SYN3: variants seen among roughly 807,000 people sequenced by gnomAD.
SYN3 encodes the protein synapsin III.
In SYN3, 35 loss-of-function variants were observed where a neutral mutation model predicts 65.8. The ratio of observed to expected loss-of-function variants is 0.53; its 90% CI spans 0.41 to 0.70. The LOEUF (loss-of-function observed/expected upper bound fraction) is 0.70. SYN3 is among the 30% of genes least tolerant of loss of function. The pLI, the probability that SYN3 is intolerant of heterozygous loss-of-function variation, is 0.00. For synonymous variants in SYN3, 270 were observed against 292.9 expected, an observed-to-expected ratio of 0.92 and a Z score of 0.80; for missense variants, 680 against 749.0, an observed-to-expected ratio of 0.91 and a Z score of 1.08.
At chr22:32,542,626 G>T (rs2058275533) in intron 7 of SYN3, among the ~76,000 whole-genome samples, 1 of 131,704 alleles carries the variant, frequency 7.6e-6, no homozygotes, top group Admixed American at 7.7e-5. Flanking sequence ...TTCTGTTTGT[G>T]TGTATGTGTG....
At chr22:32,952,694 G>A (rs147766590) in intron 3 of SYN3, among the ~76,000 whole-genome samples, 1 of 152,272 alleles carries the variant, frequency 6.6e-6, no homozygotes, top group East Asian at 1.9e-4. Context: ...GTTCAAGGCT[G>A]CAGTGAGCTA....
intron 1 of SYN3, among the ~76,000 whole-genome samples, chr22:33,045,467 T>C (rs1443242969): frequency 7.4e-6 from 1 of 134,688 alleles, no homozygotes; most frequent in African/African-American, 2.8e-5. Flanking sequence ...TTCTTTTTTT[T>C]TTTTTTTTTT....
intron 6 of SYN3, among the ~76,000 whole-genome samples, chr22:32,633,751 G>A (rs2059778528): frequency 6.6e-6 from 1 of 152,038 alleles, no homozygotes; most frequent in African/African-American, 2.4e-5. Context: ...GCCTCCCAAA[G>A]TAGCTGGGAC....
At chr22:32,726,257 C>G (rs575851111) in intron 6 of SYN3, among the ~76,000 whole-genome samples, 1 of 152,210 alleles carries the variant, frequency 6.6e-6, no homozygotes, top group Non-Finnish European at 1.5e-5. Context: ...ATTCTCTTGC[C>G]TCAGCTTCCC....
chr22:32,815,191 A>G (rs8138910), intron 6 of SYN3, among the ~76,000 whole-genome samples: 1,590 of 152,300 alleles, frequency 0.01, 21 homozygotes, highest in African/African-American at 0.034. Context: ...GCACAGGGAT[A>G]TGGGGCTGTT....
intron 3 of SYN3, among the ~76,000 whole-genome samples, chr22:32,972,211 A>C (rs2052042125): frequency 6.6e-6 from 1 of 152,226 alleles, no homozygotes. Flanking sequence ...TCGATTAATA[A>C]ATGTTTGAAA....
At chr22:32,976,035 A>G (rs1269204975) in intron 3 of SYN3, among the ~76,000 whole-genome samples, 1 of 152,220 alleles carries the variant, frequency 6.6e-6, no homozygotes, top group African/African-American at 2.4e-5. Flanking sequence ...GCATGTGAGA[A>G]AATATAAATA....
At chr22:32,781,858 C>T (rs898123084) in intron 6 of SYN3, among the ~76,000 whole-genome samples, 1 of 151,842 alleles carries the variant, frequency 6.6e-6, no homozygotes, top group African/African-American at 2.4e-5. Context: ...GACTATGCTT[C>T]TCCTCCTCCT....
chr22:32,848,758 T>C (rs1436937273), intron 6 of SYN3, among the ~76,000 whole-genome samples: 6 of 152,208 alleles, frequency 3.9e-5, no homozygotes, highest in Non-Finnish European at 8.8e-5. Context: ...GTTACTTACT[T>C]GCATACAGTC....
At chr22:33,008,474 A>G (rs1009038211) in intron 1 of SYN3, among the ~76,000 whole-genome samples, 15 of 152,202 alleles carry the variant, frequency 9.9e-5, no homozygotes, top group Admixed American at 2.0e-4. Flanking sequence ...AAATGTAATC[A>G]AATATATTAT....
intron 6 of SYN3, among the ~76,000 whole-genome samples, chr22:32,701,784 T>C (rs571070657): frequency 6.6e-6 from 1 of 151,928 alleles, no homozygotes; most frequent in African/African-American, 2.4e-5. Context: ...TGTGGAACAA[T>C]AGCAAACAGT....
Position 32,917,489 on chromosome 22 carries a change from C to T in SYN3, c.461+13901G>A, listed in dbSNP as rs1244302644. Among the ~76,000 whole-genome samples the T allele has an allele frequency of 3.3e-5, 5 of 152,262 alleles. No individual in the cohort carries two copies. In the East Asian group the frequency reaches 7.7e-4, roughly 24 times the overall value. ...TGATTGCTTCTGAATGAGAAGACGC[C>T]AGGATGCCAAGGCCAAAAGTCTGAA... On this transcript the variant is annotated intron_variant, in intron 4 of 13. Coordinates refer to ENST00000358763, the MANE Select transcript of SYN3 (RefSeq NM_003490.4).
At chr22:33,045,602 C>T (rs2145952436) in intron 1 of SYN3, among the ~76,000 whole-genome samples, 1 of 150,670 alleles carries the variant, frequency 6.6e-6, no homozygotes, top group African/African-American at 2.4e-5. Flanking sequence ...CCTGGGACTA[C>T]AGGCGCCCGC....
intron 6 of SYN3, among the ~76,000 whole-genome samples, chr22:32,841,662 C>T (rs2047906728): frequency 7.2e-6 from 1 of 139,184 alleles, no homozygotes; most frequent in South Asian, 2.5e-4. Flanking sequence ...GGGAGGGGAA[C>T]AACATACACT....
intron 6 of SYN3, among the ~76,000 whole-genome samples, chr22:32,723,127 C>T (rs8136470): frequency 0.5 from 75,442 of 151,914 alleles, 18,837 homozygotes; most frequent in East Asian, 0.67. Context: ...CCTACTGCGC[C>T]CTGCTCAATA....
At chr22:32,882,035 C>G (rs1220966263) in intron 4 of SYN3, among the ~76,000 whole-genome samples, 1 of 144,330 alleles carries the variant, frequency 6.9e-6, no homozygotes, top group African/African-American at 2.6e-5. Context: ...AGCCTGGCGA[C>G]AGAGCGAGAC....
In SYN3 at chr22:32,820,265, T is replaced by TGC. The variant is rs997172969; in HGVS notation, c.711+44648_711+44649dup. Among the ~76,000 whole-genome samples the TGC allele has an allele frequency of 5.4e-4, 76 of 141,852 alleles. No individual in the cohort carries two copies. In the East Asian group the frequency reaches 0.013, roughly 24 times the overall value. The allele number at this position is 141,852 out of a possible 152,430, so 93.1% of individuals were successfully genotyped here. A position where few individuals can be genotyped will look rare whatever the true frequency, so the allele number is the denominator to read the frequency against. On this transcript the variant is annotated intron_variant, in intron 6 of 13. Transcript: ENST00000358763. ...CCCTGTGTGTGTGTGTGTGTGTGCG[T>TGC]GCGCGTGTGTGTGTGTGTGTGTGGT...
intron 6 of SYN3, among the ~76,000 whole-genome samples, chr22:32,705,401 T>C (rs1278209773): frequency 1.3e-5 from 2 of 152,214 alleles, no homozygotes; most frequent in Non-Finnish European, 2.9e-5. Context: ...TCTATTTGAT[T>C]ACATTCGTCC....
rs2058904814 is a variant in SYN3, at chr22:32,579,533, T to G, written c.774+17141A>C. Among the ~76,000 whole-genome samples, 9 of 152,340 alleles carry G rather than the reference T, an allele frequency of 5.9e-5. 1 individual carries two copies. The South Asian group carries it at 1.9e-3, about 32-fold the overall frequency. ...AATCACTTCCCAGAGGAACCACCTC[T>G]TAATACTATCACATTGGGTATTAGG... is the stretch of plus-strand genomic sequence containing the variant. On this transcript the variant is annotated intron_variant, in intron 7 of 13. Transcript: ENST00000358763.
Sources: allele counts gnomAD v4.1 joint callset (sites outside exome capture counted in the v4.1 genomes callset), GRCh38; gene constraint gnomAD v4.1.1; transcripts MANE v1.5; gene names NCBI Gene and HGNC (gene_info 2026-07-23, HGNC 2026-07-21).